TDRD10: variants seen among roughly 807,000 people sequenced by gnomAD.
TDRD10 encodes tudor domain-containing protein 10.
In TDRD10, 40 loss-of-function variants were observed where a neutral mutation model predicts 48.0. That is an observed-to-expected ratio of 0.83 (90% CI 0.65 to 1.09). The LOEUF (loss-of-function observed/expected upper bound fraction) is 1.09. Ranked by LOEUF, TDRD10 falls within the 50% of genes least tolerant of loss-of-function variation. The pLI, the probability that TDRD10 is intolerant of heterozygous loss-of-function variation, is 0.00. For synonymous variants in TDRD10, 162 were observed against 170.4 expected, an observed-to-expected ratio of 0.95 and a Z score of 0.38; for missense variants, 378 against 434.7, an observed-to-expected ratio of 0.87 and a Z score of 1.16.
chr1:154,521,300 C>T, intron 5 of TDRD10, 23 bp from the exon 6 acceptor site: 1 of 1,612,990 alleles, frequency 6.2e-7, no homozygotes, highest in Non-Finnish European at 8.5e-7. Flanking sequence ...CTCAAAGCCT[C>T]CCTCTCTCTC....
intron 6 of TDRD10, among the ~76,000 whole-genome samples, chr1:154,529,743 C>T (rs1363487901): frequency 6.6e-6 from 1 of 151,986 alleles, no homozygotes; most frequent in Non-Finnish European, 1.5e-5. Flanking sequence ...CGGGGTTTCA[C>T]TATGTTGGCC....
intron 4 of TDRD10, among the ~76,000 whole-genome samples, chr1:154,515,969 G>A (rs765586355): frequency 1.3e-5 from 2 of 152,012 alleles, no homozygotes; most frequent in Admixed American, 6.6e-5. Flanking sequence ...TGCCTGCCTC[G>A]GCCTCCAGAA....
chr1:154,525,858 T>C (rs1468265870), intron 6 of TDRD10, among the ~76,000 whole-genome samples: 2 of 126,026 alleles, frequency 1.6e-5, no homozygotes, highest in African/African-American at 6.2e-5. Flanking sequence ...ATTGTGCCAC[T>C]GCACTCCAGC....
At chr1:154,531,542 A>G (rs1250944556) in intron 6 of TDRD10, among the ~76,000 whole-genome samples, 1 of 151,888 alleles carries the variant, frequency 6.6e-6, no homozygotes, top group African/African-American at 2.4e-5. Context: ...GGAGTTGTTC[A>G]TTCCTCCCAG....
chr1:154,517,701 C>T lies in TDRD10; in HGVS notation c.142-2603C>T, dbSNP rs186840754. ...CCTTCCAAAATGCTAGGATTACAGG[C>T]ATGAGCCACCGCGCCCGGCTTGGAC... On this transcript the variant is annotated intron_variant, in intron 4 of 12. Transcript: ENST00000368482. 1.8e-3 allele frequency among the ~76,000 whole-genome samples: 273 copies of T among 152,294 alleles called. 2 individuals are homozygous for T. The highest frequency in any genetic ancestry group is 5.8e-3 in the African/African-American group (240 of 41,562).
chr1:154,507,675 G>T (rs1285050475), intron 3 of TDRD10, among the ~76,000 whole-genome samples: 3 of 152,144 alleles, frequency 2.0e-5, no homozygotes, highest in Non-Finnish European at 2.9e-5. Context: ...GTATCACCCA[G>T]CCAGTGGAAT....
At chr1:154,537,781 C>G (rs986912908) in intron 6 of TDRD10, among the ~76,000 whole-genome samples, 21 of 152,210 alleles carry the variant, frequency 1.4e-4, no homozygotes, top group African/African-American at 4.8e-4. Flanking sequence ...ACTGCACGGA[C>G]TCCCCAGCAT....
At chr1:154,524,965 A>G (rs1050995656) in intron 6 of TDRD10, among the ~76,000 whole-genome samples, 5 of 152,032 alleles carry the variant, frequency 3.3e-5, no homozygotes. Context: ...TCTGTCCCCA[A>G]ATTCCTGTCA....
chr1:154,507,205 C>A, intron 2 of TDRD10, 36 bp from the exon 3 acceptor site: 1 of 1,613,366 alleles, frequency 6.2e-7, no homozygotes. Flanking sequence ...GGAGTCTGAG[C>A]TTGGGAGGTT....
intron 6 of TDRD10, among the ~76,000 whole-genome samples, chr1:154,540,004 A>G (rs1315638234): frequency 1.3e-5 from 2 of 152,188 alleles, no homozygotes; most frequent in Non-Finnish European, 2.9e-5. Flanking sequence ...GAGTAGGCAG[A>G]GAGGTCACTG....
At chr1:154,504,412 G>A (rs763198019) in intron 1 of TDRD10, among the ~76,000 whole-genome samples, 8 of 152,140 alleles carry the variant, frequency 5.3e-5, no homozygotes, top group Non-Finnish European at 1.0e-4. Flanking sequence ...GGGTCATATC[G>A]TAATTCCCTG....
intron 4 of TDRD10, among the ~76,000 whole-genome samples, chr1:154,517,611 G>A (rs1247558451): frequency 3.3e-5 from 5 of 151,868 alleles, no homozygotes; most frequent in Admixed American, 6.6e-5. Flanking sequence ...TAGTAGAGAC[G>A]GGGTTTCACC....
intron 4 of TDRD10, among the ~76,000 whole-genome samples, chr1:154,518,038 G>A (rs1425197925): frequency 6.6e-6 from 1 of 152,230 alleles, no homozygotes; most frequent in East Asian, 1.9e-4. Flanking sequence ...ACATAGGTGA[G>A]TGCAGTAACC....
chr1:154,538,821 C>A (rs1695065438), intron 6 of TDRD10, among the ~76,000 whole-genome samples: 1 of 99,528 alleles, frequency 1.0e-5, no homozygotes. Flanking sequence ...TCACTGCACT[C>A]CAGCCTGGGT....
At position 154,544,262 on chromosome 1, in the gene TDRD10, C is replaced by A; in HGVS notation, c.652-110C>A. ...GTCTCGTTCTCTCTCCCACCTCATA[C>A]CTGATGGCCTTGGGACGGATTAGCG... On this transcript the variant is annotated intron_variant, in intron 9 of 12. Transcript: ENST00000368482. 4 of 1,540,890 alleles carry A rather than the reference C, an allele frequency of 2.6e-6. No homozygotes were observed. The South Asian group carries it at 3.6e-5, about 14-fold the overall frequency.
At chr1:154,530,868 T>A (rs1694577876) in intron 6 of TDRD10, among the ~76,000 whole-genome samples, 2 of 68,432 alleles carry the variant, frequency 2.9e-5, no homozygotes, top group East Asian at 6.7e-4. Context: ...CAGTTTAAAT[T>A]TTTTTTTTTT....
intron 6 of TDRD10, among the ~76,000 whole-genome samples, chr1:154,532,423 C>T (rs1414176303): frequency 2.0e-5 from 3 of 152,182 alleles, no homozygotes; most frequent in Non-Finnish European, 2.9e-5. Context: ...CTGCAAGCAC[C>T]GCGCGCAGCC....
chr1:154,508,573 AG>A, intron 4 of TDRD10, 92 bp downstream of exon 4: 1 of 857,924 alleles, frequency 1.2e-6, no homozygotes, highest in African/African-American at 1.7e-5. Flanking sequence ...CAGTTTTTAA[AG>A]ACGTTTGAGA....
At chr1:154,542,559 C>CT (rs1404553654) in intron 7 of TDRD10, among the ~76,000 whole-genome samples, 172 bp from the exon 8 acceptor site, 1 of 152,210 alleles carries the variant, frequency 6.6e-6, no homozygotes, top group African/African-American at 2.4e-5. Context: ...TATCATCCGA[C>CT]TGACCCTTCC....
Sources: gnomAD v4.1 joint callset for allele counts (sites outside exome capture counted in the v4.1 genomes callset) on GRCh38, gnomAD v4.1.1 for gene constraint, MANE v1.5 for transcripts, NCBI Gene and HGNC (gene_info 2026-07-23, HGNC 2026-07-21) for gene names.